LRBA: variants seen among roughly 807,000 people sequenced by gnomAD.
LRBA encodes the protein lipopolysaccharide-responsive and beige-like anchor protein.
A neutral mutation model predicts 330.0 loss-of-function variants in LRBA; 176 were observed. The observed-to-expected ratio is 0.53, with a 90% confidence interval of 0.47 to 0.60. The LOEUF is 0.60. Ranked by LOEUF, LRBA falls within the 20% of genes least tolerant of loss-of-function variation. LRBA has a pLI of 0.00. For missense variants in LRBA, 3,259 were observed against 3,444.8 expected (o/e 0.95, Z 1.35); for synonymous variants, 1,230 against 1,193.0 (o/e 1.03, Z -0.64).
intron 48 of LRBA, among the ~76,000 whole-genome samples, chr4:150,333,294 T>C (rs978578543): frequency 1.3e-5 from 2 of 152,050 alleles, no homozygotes; most frequent in African/African-American, 4.8e-5. Flanking sequence ...ACAATTAATA[T>C]ATATGCCCTT....
In LRBA at chr4:150,374,168, C is replaced by T. The variant is rs546945973; in HGVS notation, c.7195-24009G>A. On this transcript the variant is annotated intron_variant, in intron 47 of 56. Transcript: ENST00000651943. Reference sequence around the variant, plus strand: ...CTCTCCCTTTTATGTACGGATGAAACGTTTCTCCCTCTATGAGAGTGAACT... The same window carrying T: ...CTCTCCCTTTTATGTACGGATGAAATGTTTCTCCCTCTATGAGAGTGAACT... Among the ~76,000 whole-genome samples, 22 of 152,256 alleles carry T rather than the reference C, an allele frequency of 1.4e-4. No homozygotes were observed. In the South Asian group the frequency reaches 2.3e-3, roughly 16 times the overall value.
intron 16 of LRBA, among the ~76,000 whole-genome samples, chr4:150,895,985 T>C (rs1289659867): frequency 6.6e-6 from 1 of 152,214 alleles, no homozygotes; most frequent in East Asian, 1.9e-4. Flanking sequence ...TAATTTTAAA[T>C]ACCATTATAA....
intron 37 of LRBA, among the ~76,000 whole-genome samples, chr4:150,607,637 C>G (rs1367206195): frequency 6.6e-6 from 1 of 151,676 alleles, no homozygotes; most frequent in Non-Finnish European, 1.5e-5. Context: ...CATGGTGGTT[C>G]AGGCCTGTAA....
At chr4:151,003,127 G>A (rs1400601771) in intron 2 of LRBA, among the ~76,000 whole-genome samples, 1 of 151,424 alleles carries the variant, frequency 6.6e-6, no homozygotes, top group South Asian at 2.1e-4. Context: ...CAGGCACAGT[G>A]GCTCACACCT....
In LRBA at chr4:150,848,947, C is replaced by G; in HGVS notation, c.4210G>C (p.Val1404Leu). ...CTAATTAGCCTCTGCAAAAATGTCA[C>G]AGAGGCTTCTATTGAAAGGCCTTGA... Reference protein sequence around the residue: ...PTQGLSIEASVTFLQRLISLV... With the variant: ...PTQGLSIEASLTFLQRLISLV... The change falls in exon 26 of 57, where the codon GTG becomes CTG. Residue 1404 changes from valine (V) to leucine (L), a missense_variant. Coordinates refer to ENST00000651943, the MANE Select transcript of LRBA (RefSeq NM_001364905.1). 1 of 1,612,120 alleles carries G rather than the reference C, an allele frequency of 6.2e-7. No homozygotes were observed. The highest frequency in any genetic ancestry group is 1.1e-5 in the South Asian group (1 of 90,640).
intron 4 of LRBA, 133 bp from the exon 5 acceptor site, chr4:150,921,426 AAGT>A (rs1269249058): frequency 5.7e-5 from 35 of 615,332 alleles, no homozygotes; most frequent in Non-Finnish European, 8.1e-5. Flanking sequence ...AATAATTTCT[AAGT>A]TATTTTCAAA....
chr4:150,415,883 T>C (rs1457206635), intron 46 of LRBA, among the ~76,000 whole-genome samples: 1 of 152,198 alleles, frequency 6.6e-6, no homozygotes, highest in Non-Finnish European at 1.5e-5. Context: ...TAACTGAGGT[T>C]TGACAAGATA....
At chr4:150,783,632 C>A (rs1738592166) in intron 34 of LRBA, among the ~76,000 whole-genome samples, 1 of 152,114 alleles carries the variant, frequency 6.6e-6, no homozygotes. Flanking sequence ...TGTGTTGTAT[C>A]CAGTATTCAG....
intron 28 of LRBA, among the ~76,000 whole-genome samples, chr4:150,835,786 CCTTT>C (rs1363148392): frequency 6.6e-6 from 1 of 152,020 alleles, no homozygotes; most frequent in African/African-American, 2.4e-5. Context: ...AATTGAATAC[CCTTT>C]CTTTCTTTCT....
At chr4:150,346,484 G>A (rs1028345569) in intron 48 of LRBA, among the ~76,000 whole-genome samples, 15 of 151,878 alleles carry the variant, frequency 9.9e-5, no homozygotes, top group Admixed American at 2.0e-4. Flanking sequence ...ATCTGTGGCC[G>A]GGTGCGGTGG....
chr4:150,666,841 T>C (rs1396560936), intron 37 of LRBA, among the ~76,000 whole-genome samples: 1 of 152,182 alleles, frequency 6.6e-6, no homozygotes, highest in Non-Finnish European at 1.5e-5. Flanking sequence ...TTTCATTCTA[T>C]TTTTTTATAT....
chr4:150,975,530 T>C (rs1579375248), intron 2 of LRBA, among the ~76,000 whole-genome samples: 1 of 124,368 alleles, frequency 8.0e-6, no homozygotes, highest in African/African-American at 3.3e-5. Context: ...TGAGACTCTA[T>C]CTCAAAAAAA....
chr4:150,637,580 C>T (rs1177059654), intron 37 of LRBA, among the ~76,000 whole-genome samples: 3 of 152,208 alleles, frequency 2.0e-5, no homozygotes, highest in Admixed American at 1.3e-4. Flanking sequence ...TGCTAGATGA[C>T]TCCTCTCTCT....
chr4:150,603,765 G>A (rs963669943), intron 37 of LRBA, among the ~76,000 whole-genome samples: 10 of 152,090 alleles, frequency 6.6e-5, no homozygotes, highest in Admixed American at 6.6e-4. Context: ...CTCCTGAGTA[G>A]CTGGGATTAC....
intron 2 of LRBA, among the ~76,000 whole-genome samples, chr4:150,989,257 C>T (rs1262758566): frequency 2.0e-5 from 3 of 152,020 alleles, no homozygotes; most frequent in South Asian, 2.1e-4. Context: ...CCACCCACCA[C>T]GGCCTCCCAA....
chr4:150,901,485 C>A (rs554197870), intron 13 of LRBA, among the ~76,000 whole-genome samples: 4 of 152,204 alleles, frequency 2.6e-5, no homozygotes, highest in African/African-American at 9.6e-5. Context: ...CTTCCCTTGA[C>A]CATAGACCAA....
intron 40 of LRBA, among the ~76,000 whole-genome samples, chr4:150,536,640 C>T (rs1448168576): frequency 3.9e-5 from 6 of 152,108 alleles, no homozygotes; most frequent in South Asian, 2.1e-4. Context: ...AACTAATCAG[C>T]GTTAAAAAAT....
At chr4:150,912,870 A>T (rs1377526995) in intron 9 of LRBA, among the ~76,000 whole-genome samples, 1 of 152,160 alleles carries the variant, frequency 6.6e-6, no homozygotes, top group Non-Finnish European at 1.5e-5. Flanking sequence ...GACTGAGGTC[A>T]CTGAATCTCG....
At chr4:150,745,099 T>A (rs1358325615) in intron 35 of LRBA, among the ~76,000 whole-genome samples, 2 of 152,074 alleles carry the variant, frequency 1.3e-5, no homozygotes, top group Non-Finnish European at 2.9e-5. Flanking sequence ...CACAACAGCA[T>A]GGAACTGAAT....
Sources: gnomAD v4.1 joint callset for allele counts (sites outside exome capture counted in the v4.1 genomes callset) on GRCh38, gnomAD v4.1.1 for gene constraint, MANE v1.5 for transcripts, NCBI Gene and HGNC (gene_info 2026-07-23, HGNC 2026-07-21) for gene names.